Variants in L3MBTL4 observed in about 807,000 individuals in gnomAD.
L3MBTL4 encodes lethal(3)malignant brain tumor-like protein 4.
A neutral mutation model predicts 84.5 loss-of-function variants in L3MBTL4; 70 were observed. The observed-to-expected ratio is 0.83, with a 90% CI of 0.68 to 1.01. L3MBTL4 has a LOEUF of 1.01. Among genes scored for constraint, L3MBTL4 ranks in the 50% least tolerant of loss-of-function variants. L3MBTL4 has a pLI of 0.00. For synonymous variants in L3MBTL4, 274 were observed against 259.8 expected, an observed-to-expected ratio of 1.05 and a Z score of -0.52; for missense variants, 715 against 754.8, an observed-to-expected ratio of 0.95 and a Z score of 0.62.
chr18:6,121,741 T>G (rs528946958), intron 14 of L3MBTL4, among the ~76,000 whole-genome samples: 1 of 152,032 alleles, frequency 6.6e-6, no homozygotes, highest in South Asian at 2.1e-4. Context: ...CATGTTTGTA[T>G]TTTGGAGTTG....
chr18:6,161,984 G>A lies in L3MBTL4; in HGVS notation c.1096+9844C>T, dbSNP rs144513674. Among the ~76,000 whole-genome samples the A allele has an allele frequency of 3.8e-3, 570 of 151,110 alleles. 2 individuals carry two copies. The highest frequency in any genetic ancestry group is 0.013 in the African/African-American group (535 of 41,292). ...AGAGAGAATATACCTGTGTGTGTGT[G>A]TGTATGTACGCATTTTTCTTCCTTT... On this transcript the variant is annotated intron_variant, in intron 13 of 18. Transcript: ENST00000317931.
At chr18:6,199,635 G>A (rs1439586709) in intron 12 of L3MBTL4, among the ~76,000 whole-genome samples, 1 of 152,192 alleles carries the variant, frequency 6.6e-6, no homozygotes, top group East Asian at 1.9e-4. Flanking sequence ...AGGATCCAGG[G>A]CAGGAAGCAG....
intron 16 of L3MBTL4, among the ~76,000 whole-genome samples, chr18:6,017,332 GGC>G (rs10576829): frequency 0.8 from 121,790 of 152,078 alleles, 49,142 homozygotes; most frequent in Admixed American, 0.85. Flanking sequence ...GAGAGATGCT[GGC>G]GCGCCACAGC....
chr18:6,096,377 T>C (rs1443313536), intron 14 of L3MBTL4, among the ~76,000 whole-genome samples: 4 of 152,172 alleles, frequency 2.6e-5, no homozygotes, highest in African/African-American at 7.2e-5. Context: ...CCCCAGAGCA[T>C]TGCTAGAATG....
chr18:6,002,544 AAAG>A (rs1431306767), intron 16 of L3MBTL4, among the ~76,000 whole-genome samples: 2 of 152,140 alleles, frequency 1.3e-5, no homozygotes, highest in Non-Finnish European at 2.9e-5. Flanking sequence ...AAGTAACTGA[AAAG>A]TAGTGAGAAT....
chr18:6,363,489 G>C (rs868200050), intron 1 of L3MBTL4, among the ~76,000 whole-genome samples: 1 of 152,152 alleles, frequency 6.6e-6, no homozygotes, highest in East Asian at 1.9e-4. Flanking sequence ...AAGTGACAAA[G>C]ATAAAGAAAA....
intron 16 of L3MBTL4, among the ~76,000 whole-genome samples, chr18:6,044,036 A>T (rs568774): frequency 4.6e-5 from 7 of 151,954 alleles, no homozygotes; most frequent in African/African-American, 1.7e-4. Flanking sequence ...TGAGCAAAAG[A>T]CTTGAGTAAA....
chr18:6,010,730 A>AT (rs1164386201), intron 16 of L3MBTL4, among the ~76,000 whole-genome samples: 1 of 152,128 alleles, frequency 6.6e-6, no homozygotes, highest in Non-Finnish European at 1.5e-5. Context: ...TTATTTATTT[A>AT]TTTTTTTAAA....
chr18:6,267,997 G>GA (rs932549389), intron 4 of L3MBTL4, among the ~76,000 whole-genome samples: 61 of 152,294 alleles, frequency 4.0e-4, no homozygotes, highest in African/African-American at 1.5e-3. Flanking sequence ...CACTTTAGCT[G>GA]AAATTAACCA....
chr18:6,344,309 A>T (rs1599716638), intron 1 of L3MBTL4, among the ~76,000 whole-genome samples: 1 of 152,336 alleles, frequency 6.6e-6, no homozygotes, highest in South Asian at 2.1e-4. Context: ...GAAATGGATA[A>T]GTTCCTAGAA....
chr18:5,995,523 C>A lies in L3MBTL4; in HGVS notation c.1445-25961G>T, dbSNP rs137931470. ...AGCCAAGGTTATCGTGAAGGAGATG[C>A]TTTCAAGTAAGCTAGATGTGTACCT... On this transcript the variant is annotated intron_variant, in intron 16 of 18. Transcript: ENST00000317931. 2.5e-3 allele frequency among the ~76,000 whole-genome samples: 383 copies of A among 152,300 alleles called. 1 individual carries two copies. Among genetic ancestry groups the A allele is most frequent in the African/African-American group, 8.9e-3 (371 of 41,560 alleles).
At chr18:6,383,163 A>G (rs1336555485) in intron 1 of L3MBTL4, among the ~76,000 whole-genome samples, 4 of 151,766 alleles carry the variant, frequency 2.6e-5, no homozygotes, top group African/African-American at 9.7e-5. Context: ...CCCTCCCCCA[A>G]CCAAGCTCAA....
intron 12 of L3MBTL4, among the ~76,000 whole-genome samples, chr18:6,176,944 A>C (rs887861452): frequency 5.9e-5 from 9 of 152,176 alleles, no homozygotes; most frequent in Non-Finnish European, 7.3e-5. Flanking sequence ...ACTACCGCAT[A>C]CCCACTCGAG....
chr18:6,112,706 T>A (rs1226713878), intron 14 of L3MBTL4, among the ~76,000 whole-genome samples: 1 of 152,182 alleles, frequency 6.6e-6, no homozygotes, highest in African/African-American at 2.4e-5. Context: ...AAGTTACATT[T>A]AAAATATGGC....
At chr18:6,263,306 G>A (rs1053970535) in intron 5 of L3MBTL4, among the ~76,000 whole-genome samples, 15 of 149,682 alleles carry the variant, frequency 1.0e-4, no homozygotes, top group Non-Finnish European at 1.9e-4. Context: ...GTAAAGTAAC[G>A]AGGTAAATCT....
At chr18:6,267,160 C>T (rs1056059354) in intron 4 of L3MBTL4, among the ~76,000 whole-genome samples, 6 of 151,988 alleles carry the variant, frequency 3.9e-5, no homozygotes, top group Non-Finnish European at 8.8e-5. Flanking sequence ...TAAAGAAAAA[C>T]ATCATATCAA....
chr18:6,163,307 GGGT>G (rs2043456447), intron 13 of L3MBTL4, among the ~76,000 whole-genome samples: 2 of 77,224 alleles, frequency 2.6e-5, no homozygotes, highest in South Asian at 4.8e-4. Context: ...GTGTGTGTGT[GGGT>G]GGGTGTGTAT....
At chr18:6,038,377 C>T (rs1014891750) in intron 16 of L3MBTL4, among the ~76,000 whole-genome samples, 7 of 151,642 alleles carry the variant, frequency 4.6e-5, no homozygotes, top group East Asian at 1.9e-4. Flanking sequence ...CCTCAGCCTC[C>T]GGAGTAGTTG....
At chr18:6,208,491 G>A (rs2045965454) in intron 12 of L3MBTL4, among the ~76,000 whole-genome samples, 1 of 152,168 alleles carries the variant, frequency 6.6e-6, no homozygotes, top group Admixed American at 6.5e-5. Context: ...ACTTATTAAA[G>A]CATCTATTTG....
Sources: allele counts gnomAD v4.1 joint callset (sites outside exome capture counted in the v4.1 genomes callset), GRCh38; gene constraint gnomAD v4.1.1; transcripts MANE v1.5; gene names NCBI Gene and HGNC (gene_info 2026-07-23, HGNC 2026-07-21).